Variants in RELN observed in about 807,000 individuals in gnomAD.
The protein encoded by RELN is reelin.
A neutral mutation model predicts 427.6 loss-of-function variants in RELN; 108 were observed. That is an observed-to-expected ratio of 0.25 (90% confidence interval 0.22 to 0.30). RELN has a LOEUF of 0.30. RELN is among the 10% of genes least tolerant of loss of function. The pLI, the probability that RELN is intolerant of heterozygous loss-of-function variation, is 1.00. For missense variants in RELN, 3,715 were observed against 4,302.8 expected (o/e 0.86, Z 3.82); for synonymous variants, 1,524 against 1,513.4 (o/e 1.01, Z -0.16).
In RELN at chr7:103,971,746, G is replaced by C. The variant is rs567439954; in HGVS notation, c.226+17385C>G. 3.3e-5 allele frequency among the ~76,000 whole-genome samples: 5 copies of C among 152,210 alleles called. No individual in the cohort carries two copies. In the South Asian group the frequency reaches 8.3e-4, roughly 25 times the overall value. On this transcript the variant is annotated intron_variant, in intron 1 of 64. Coordinates refer to ENST00000428762, the MANE Select transcript of RELN (RefSeq NM_005045.4). The stretch of plus-strand genomic sequence containing the variant: ...AGGAATGGATACTGTGAAAGTATTT[G>C]AGCATCACTGAATAAATAATAAAAA...
chr7:103,549,437 A>G (rs1830365523), intron 41 of RELN, among the ~76,000 whole-genome samples: 1 of 152,178 alleles, frequency 6.6e-6, no homozygotes, highest in Non-Finnish European at 1.5e-5. Context: ...TCCTTATTCC[A>G]TTACCTTCAG....
intron 3 of RELN, among the ~76,000 whole-genome samples, chr7:103,785,564 G>A (rs1260047527): frequency 6.6e-6 from 1 of 152,106 alleles, no homozygotes; most frequent in African/African-American, 2.4e-5. Context: ...TAACTTCTGT[G>A]TGTCTTACTT....
chr7:103,738,051 G>T (rs1470353721), intron 6 of RELN, among the ~76,000 whole-genome samples: 2 of 150,494 alleles, frequency 1.3e-5, no homozygotes, highest in Non-Finnish European at 3.0e-5. Flanking sequence ...CTGCTGAGTA[G>T]GACATCTCTG....
chr7:103,929,574 T>C (rs1313709686), intron 1 of RELN, among the ~76,000 whole-genome samples: 1 of 152,204 alleles, frequency 6.6e-6, no homozygotes, highest in Non-Finnish European at 1.5e-5. Flanking sequence ...TTATTTAATA[T>C]ATATTGTTGA....
intron 50 of RELN, among the ~76,000 whole-genome samples, chr7:103,514,590 C>T (rs542215626): frequency 2.7e-4 from 41 of 152,116 alleles, no homozygotes; most frequent in Non-Finnish European, 5.9e-4. Context: ...ACCTGGGAGG[C>T]GGAGGTTGCA....
chr7:103,601,262 T>C (rs1462586422), intron 24 of RELN, among the ~76,000 whole-genome samples: 2 of 152,158 alleles, frequency 1.3e-5, no homozygotes, highest in Non-Finnish European at 2.9e-5. Flanking sequence ...ATATGTGCAA[T>C]GCATTTTGAT....
chr7:103,817,878 G>A (rs1021647335), intron 3 of RELN, among the ~76,000 whole-genome samples: 1 of 133,158 alleles, frequency 7.5e-6, no homozygotes, highest in African/African-American at 2.8e-5. Flanking sequence ...CTGGGAGGCA[G>A]AGGTTGCAGT....
At chr7:103,832,042 G>A (rs563369678) in intron 3 of RELN, among the ~76,000 whole-genome samples, 18 of 152,302 alleles carry the variant, frequency 1.2e-4, no homozygotes, top group Non-Finnish European at 1.9e-4. Flanking sequence ...AACCAGTTAT[G>A]TGAGATGAGT....
At chr7:103,480,668 A>T (rs1828201774) in intron 63 of RELN, among the ~76,000 whole-genome samples, 3 of 152,222 alleles carry the variant, frequency 2.0e-5, no homozygotes, top group Admixed American at 6.5e-5. Flanking sequence ...AATTCCTTTA[A>T]CAAATTTTTG....
At chr7:103,964,417 A>G (rs924025296) in intron 1 of RELN, among the ~76,000 whole-genome samples, 5 of 152,186 alleles carry the variant, frequency 3.3e-5, no homozygotes, top group Non-Finnish European at 5.9e-5. Context: ...CAGATGTTGC[A>G]GGAAGAGAAT....
At position 103,728,204 on chromosome 7, in the gene RELN, A is replaced by G. The variant is rs1790262230; in HGVS notation, c.660T>C (p.Val220=). Residue 220 remains valine (V), a synonymous_variant, in exon 7 of 65, where the codon GTT becomes GTC. Coordinates refer to ENST00000428762, the MANE Select transcript of RELN (RefSeq NM_005045.4). ...HQLQLNPNIW[V]ECNNCETGEQ... The stretch of plus-strand genomic sequence containing the variant: ...CTCCAGTCTCACAGTTGTTACATTC[A>G]ACCCTGCAGGAAAACAGAACACAGT... 4 of 1,613,586 alleles carry G rather than the reference A, an allele frequency of 2.5e-6. No homozygotes were observed. Among genetic ancestry groups the G allele is most frequent in the Non-Finnish European group, 3.4e-6 (4 of 1,179,804 alleles).
intron 3 of RELN, among the ~76,000 whole-genome samples, chr7:103,783,167 T>TTTC (rs1791937058): frequency 1.3e-5 from 2 of 150,334 alleles, no homozygotes; most frequent in South Asian, 2.1e-4. Context: ...TTTCTTTCTT[T>TTTC]TTTTTTTTTT....
At chr7:103,625,851 A>G (rs922598509) in intron 20 of RELN, among the ~76,000 whole-genome samples, 3 of 152,126 alleles carry the variant, frequency 2.0e-5, no homozygotes, top group African/African-American at 7.2e-5. Context: ...AATCATTAAA[A>G]TATGTCACCT....
chr7:103,788,820 T>C lies in RELN; in HGVS notation c.474-12193A>G, dbSNP rs530790276. Among the ~76,000 whole-genome samples, 6 of 152,282 alleles carry C rather than the reference T, an allele frequency of 3.9e-5. No homozygotes were observed. The South Asian group carries it at 1.2e-3, about 32-fold the overall frequency. Reference sequence around the variant, plus strand: ...GTTACTATTGACTTCCTTCACAGAATTAGAAGAAAAAACTACTTTAAATTT... The same window carrying C: ...GTTACTATTGACTTCCTTCACAGAACTAGAAGAAAAAACTACTTTAAATTT... On this transcript the variant is annotated intron_variant, in intron 3 of 64. Transcript: ENST00000428762.
intron 1 of RELN, among the ~76,000 whole-genome samples, chr7:103,919,536 G>A (rs541325816): frequency 6.6e-6 from 1 of 151,884 alleles, no homozygotes; most frequent in African/African-American, 2.4e-5. Flanking sequence ...CTGTGACATC[G>A]GCCCCTGCAG....
intron 31 of RELN, among the ~76,000 whole-genome samples, chr7:103,568,754 A>C (rs1220902454): frequency 6.6e-6 from 1 of 152,164 alleles, no homozygotes; most frequent in Admixed American, 6.5e-5. Flanking sequence ...GTTTACATTT[A>C]ATAAGATGAG....
At chr7:103,792,577 G>T (rs1792194194) in intron 3 of RELN, among the ~76,000 whole-genome samples, 2 of 138,268 alleles carry the variant, frequency 1.4e-5, no homozygotes, top group Non-Finnish European at 3.1e-5. Flanking sequence ...GGGATGGGGG[G>T]ATGGGGAAAT....
At chr7:103,609,654 A>G (rs895609167) in intron 22 of RELN, among the ~76,000 whole-genome samples, 2 of 152,234 alleles carry the variant, frequency 1.3e-5, no homozygotes, top group African/African-American at 2.4e-5. Flanking sequence ...AGGCATTTTT[A>G]CATAATGCAG....
intron 1 of RELN, among the ~76,000 whole-genome samples, chr7:103,960,047 C>G (rs1796515870): frequency 6.6e-6 from 1 of 152,184 alleles, no homozygotes; most frequent in Non-Finnish European, 1.5e-5. Flanking sequence ...CCCCCACTCC[C>G]CTCCACTTCT....
Sources: allele counts gnomAD v4.1 joint callset (sites outside exome capture counted in the v4.1 genomes callset), GRCh38; gene constraint gnomAD v4.1.1; transcripts MANE v1.5; gene names NCBI Gene and HGNC (gene_info 2026-07-23, HGNC 2026-07-21).